GTF2IRD1: variants seen among roughly 807,000 people sequenced by gnomAD.
GTF2IRD1 encodes general transcription factor II-I repeat domain-containing protein 1.
A neutral mutation model predicts 113.2 loss-of-function variants in GTF2IRD1; 26 were observed. The ratio of observed to expected loss-of-function variants is 0.23; its 90% CI spans 0.17 to 0.32. The LOEUF (loss-of-function observed/expected upper bound fraction) is 0.32. Ranked by LOEUF, GTF2IRD1 falls within the 10% of genes least tolerant of loss-of-function variation. The probability of loss-of-function intolerance (pLI) is 1.00; values close to 1 mark genes in which losing one functional copy is unlikely to be tolerated. For synonymous variants in GTF2IRD1, 484 were observed against 529.1 expected (o/e 0.91, Z 1.17); for missense variants, 864 against 1,280.8 (o/e 0.67, Z 4.97).
chr7:74,505,446 C>G (rs892297186), intron 1 of GTF2IRD1, among the ~76,000 whole-genome samples: 2 of 152,188 alleles, frequency 1.3e-5, no homozygotes, highest in Middle Eastern at 3.2e-3. Flanking sequence ...CCTACAAGCC[C>G]GGATGACCGA....
At chr7:74,493,324 C>A in intron 1 of GTF2IRD1, among the ~76,000 whole-genome samples, 1 of 151,588 alleles carries the variant, frequency 6.6e-6, no homozygotes, top group East Asian at 1.9e-4. Flanking sequence ...GTTTCCCAGG[C>A]TGGTCTCAAA....
At chr7:74,557,766 G>A (rs782221841) in intron 20 of GTF2IRD1, 44 bp downstream of exon 20, 3 of 1,227,662 alleles carry the variant, frequency 2.4e-6, no homozygotes, top group Non-Finnish European at 2.4e-6. Context: ...CAGCTGCTGT[G>A]CACAGAGAAG....
chr7:74,517,663 TC>T (rs1562826049), intron 4 of GTF2IRD1, among the ~76,000 whole-genome samples: 1 of 151,004 alleles, frequency 6.6e-6, no homozygotes, highest in Non-Finnish European at 1.5e-5. Flanking sequence ...CAAGTGATCC[TC>T]CCTCCTCAGC....
At chr7:74,575,555 A>G (rs1159575168) in intron 22 of GTF2IRD1, among the ~76,000 whole-genome samples, 1 of 152,242 alleles carries the variant, frequency 6.6e-6, no homozygotes, top group Non-Finnish European at 1.5e-5. Flanking sequence ...GTAATAATCC[A>G]GGCGACGCCT....
chr7:74,516,717 C>T (rs910650958), intron 4 of GTF2IRD1, among the ~76,000 whole-genome samples: 10 of 152,174 alleles, frequency 6.6e-5, no homozygotes, highest in Admixed American at 1.3e-4. Context: ...GGACTTGCCA[C>T]GCATGGTTGG....
intron 22 of GTF2IRD1, among the ~76,000 whole-genome samples, chr7:74,567,310 C>G (rs587773702): frequency 1.3e-5 from 2 of 151,318 alleles, no homozygotes; most frequent in African/African-American, 4.9e-5. Context: ...CCCGGCGACA[C>G]AGCGAGACCC....
chr7:74,504,205 T>G (rs1316092463), intron 1 of GTF2IRD1, among the ~76,000 whole-genome samples: 1 of 152,190 alleles, frequency 6.6e-6, no homozygotes, highest in African/African-American at 2.4e-5. Context: ...TTGTGAATAC[T>G]GCTGCTCTGA....
chr7:74,600,848 C>T (rs1224959991), intron 25 of GTF2IRD1, 196 bp from the exon 26 acceptor site: 7 of 614,952 alleles, frequency 1.1e-5, no homozygotes, highest in Non-Finnish European at 2.0e-5. Flanking sequence ...AGAGTGGGCC[C>T]TCGGGCTTGC....
chr7:74,557,034 G>C (rs1445390274), intron 19 of GTF2IRD1, among the ~76,000 whole-genome samples: 7 of 152,064 alleles, frequency 4.6e-5, no homozygotes, highest in Admixed American at 3.3e-4. Context: ...TGAGCTTGGG[G>C]GTTCGAGGCC....
chr7:74,518,463 A>G (rs1797085028), intron 5 of GTF2IRD1, 141 bp downstream of exon 5: 1 of 637,050 alleles, frequency 1.6e-6, no homozygotes, highest in Non-Finnish European at 2.7e-6. Flanking sequence ...TCCCAGTCTG[A>G]TGGTGGAGGT....
intron 9 of GTF2IRD1, among the ~76,000 whole-genome samples, chr7:74,531,734 A>AT (rs1488452323): frequency 6.6e-6 from 1 of 151,700 alleles, no homozygotes; most frequent in Non-Finnish European, 1.5e-5. Flanking sequence ...AAAAAAAAAA[A>AT]GTGGGGGGAG....
intron 22 of GTF2IRD1, among the ~76,000 whole-genome samples, chr7:74,569,091 T>C (rs1800526525): frequency 6.6e-6 from 1 of 151,974 alleles, no homozygotes; most frequent in African/African-American, 2.4e-5. Context: ...ACTTGCCCTT[T>C]CCCCCAACTC....
intron 7 of GTF2IRD1, among the ~76,000 whole-genome samples, chr7:74,523,140 G>T (rs1403024485): frequency 6.6e-6 from 1 of 152,162 alleles, no homozygotes; most frequent in African/African-American, 2.4e-5. Flanking sequence ...GATCGTTTGA[G>T]TCCAAGAGTT....
chr7:74,553,950 C>T (rs1402419210), intron 17 of GTF2IRD1, among the ~76,000 whole-genome samples: 2 of 152,174 alleles, frequency 1.3e-5, no homozygotes, highest in Admixed American at 6.5e-5. Context: ...AGCCCTGGCC[C>T]CGTGACCCCA....
At chr7:74,465,616 C>T (rs921029274) in intron 1 of GTF2IRD1, among the ~76,000 whole-genome samples, 6 of 152,146 alleles carry the variant, frequency 3.9e-5, no homozygotes, top group Admixed American at 1.3e-4. Flanking sequence ...CAGCTTGTCA[C>T]GTGATGACCC....
chr7:74,454,333 A>G (rs1172028442), intron 1 of GTF2IRD1, among the ~76,000 whole-genome samples, 157 bp downstream of exon 1: 1 of 135,968 alleles, frequency 7.4e-6, no homozygotes, highest in African/African-American at 2.8e-5. Flanking sequence ...GTGCCCGGGG[A>G]GGCACGTGAC....
At position 74,595,017 on chromosome 7, in the gene GTF2IRD1, C is replaced by T; in HGVS notation, c.2595C>T (p.Pro865=). 6 of 1,604,528 alleles carry T rather than the reference C, an allele frequency of 3.7e-6. No homozygotes were observed. The South Asian group carries it at 4.4e-5, about 12-fold the overall frequency. ...ACCTCATTTCTTTCTTTTTCAGACC[C>T]TTTGCAGAAATCTGCAATGATGCCA... ...VRMVIINQLQ[P]FAEICNDAKV... Residue 865 remains proline, a synonymous_variant, in exon 25 of 27, where the codon CCC becomes CCT. Coordinates refer to ENST00000424337, the MANE Select transcript of GTF2IRD1 (RefSeq NM_005685.4).
Position 74,530,193 on chromosome 7 carries a change from AAGTG to A in GTF2IRD1, c.1274+279_1274+282del, listed in dbSNP as rs1554348430. Among the ~76,000 whole-genome samples, 14 of 148,986 alleles carry A rather than the reference AAGTG, an allele frequency of 9.4e-5. 1 individual carries two copies. The highest frequency in any genetic ancestry group is 1.5e-5 in the Non-Finnish European group (1 of 67,182). ...CCACTGCACTCCAGCCTGGGTGACA[AAGTG>A]AGACTCTGTCTCAAAAAAGAGAGGT... On this transcript the variant is annotated intron_variant, in intron 9 of 26. Transcript: ENST00000424337.
At chr7:74,496,745 C>T (rs1373887595) in intron 1 of GTF2IRD1, among the ~76,000 whole-genome samples, 2 of 152,044 alleles carry the variant, frequency 1.3e-5, no homozygotes, top group Non-Finnish European at 2.9e-5. Flanking sequence ...TGCCCCCTCC[C>T]TCTCTCCACT....
Sources: allele counts gnomAD v4.1 joint callset (sites outside exome capture counted in the v4.1 genomes callset), GRCh38; gene constraint gnomAD v4.1.1; transcripts MANE v1.5; gene names NCBI Gene and HGNC (gene_info 2026-07-23, HGNC 2026-07-21).